Variants in OR3A3 observed in about 807,000 individuals in gnomAD.
OR3A3 encodes olfactory receptor 3A3.
For synonymous variants in OR3A3, 103 were observed against 163.9 expected, an observed-to-expected ratio of 0.63 and a Z score of 2.84; for missense variants, 275 against 391.4, an observed-to-expected ratio of 0.70 and a Z score of 2.51.
At chr17:3,413,944 C>T (rs550196309) in intron 2 of OR3A3, among the ~76,000 whole-genome samples, 1 of 152,314 alleles carries the variant, frequency 6.6e-6, no homozygotes, top group African/African-American at 2.4e-5. Flanking sequence ...TGAGCACACA[C>T]AGTGGAGACC....
chr17:3,420,824 C>G, exon 3 of OR3A3: 1 of 1,363,638 alleles, frequency 7.3e-7, no homozygotes, highest in Non-Finnish European at 1.0e-6. Context: ...ATCACTGTCA[C>G]TGTTCCTGCA....
chr17:3,417,315 T>G (rs2072398261), intron 2 of OR3A3, among the ~76,000 whole-genome samples: 1 of 152,192 alleles, frequency 6.6e-6, no homozygotes, highest in African/African-American at 2.4e-5. Flanking sequence ...CTGATTAACA[T>G]GAACATATCT....
At chr17:3,423,094 C>A (rs1285588261) in exon 3 of OR3A3, 1 of 152,204 alleles carries the variant, frequency 6.6e-6, no homozygotes, top group African/African-American at 2.4e-5. Flanking sequence ...GTTGTAATCA[C>A]ATCATTCCTA....
intron 2 of OR3A3, 117 bp from the exon 3 acceptor site, chr17:3,420,463 T>C: frequency 1.3e-6 from 2 of 1,513,540 alleles, no homozygotes; most frequent in African/African-American, 1.4e-5. Context: ...CATTGAGGTG[T>C]TGGAGGAGTG....
In OR3A3 at chr17:3,421,262, C is replaced by T. The variant is rs1269879583; in HGVS notation, c.677C>T (p.Ala226Val). 3.1e-6 allele frequency: 5 copies of T among 1,614,104 alleles called. No individual in the cohort carries two copies. The highest frequency in any genetic ancestry group is 4.5e-5 in the East Asian group (2 of 44,890). ...AGTGTGTCCTATGCCCATGTGGTAG[C>T]TGCTGTGCTGCAAATCCGCTCTGCT... The change falls in exon 3 of 3, where the codon GCT becomes GTT. Residue 226 changes from alanine to valine, a missense_variant. Physicochemically the swap from Ala to Val is moderately conservative, Grantham distance 64 (BLOSUM62 0). Transcript: ENST00000641141.
intron 2 of OR3A3, among the ~76,000 whole-genome samples, chr17:3,415,209 C>T (rs917440690): frequency 4.6e-5 from 7 of 151,396 alleles, no homozygotes; most frequent in African/African-American, 1.2e-4. Flanking sequence ...AACATATTAT[C>T]GTATATTATT....
intron 2 of OR3A3, among the ~76,000 whole-genome samples, chr17:3,418,321 T>A (rs1343937354): frequency 6.6e-6 from 1 of 152,044 alleles, no homozygotes; most frequent in Non-Finnish European, 1.5e-5. Context: ...TCATGAGAGG[T>A]TTTTGCTGGG....
At chr17:3,419,729 C>CTTTTTTTTTTTT in intron 2 of OR3A3, among the ~76,000 whole-genome samples, 1 of 98,906 alleles carries the variant, frequency 1.0e-5, no homozygotes, top group African/African-American at 3.3e-5. Flanking sequence ...AAAATTCTAT[C>CTTTTTTTTTTTT]TTTTTTTTTT....
chr17:3,421,012 G>A (rs1488383653), exon 3 of OR3A3: 1 of 1,613,926 alleles, frequency 6.2e-7, no homozygotes, highest in African/African-American at 1.3e-5. Context: ...GAGTCAGACA[G>A]TCCAGAGGAT....
chr17:3,416,740 G>A (rs1409698501), intron 2 of OR3A3, among the ~76,000 whole-genome samples: 4 of 152,164 alleles, frequency 2.6e-5, no homozygotes, highest in East Asian at 3.9e-4. Context: ...GGAGTACACT[G>A]TGATGTGTGT....
chr17:3,414,808 C>T (rs1041923656), intron 2 of OR3A3, among the ~76,000 whole-genome samples: 5 of 152,000 alleles, frequency 3.3e-5, no homozygotes, highest in Admixed American at 6.6e-5. Context: ...TAGCAACTAC[C>T]GCAGCGTGCA....
At chr17:3,421,725 C>T in exon 3 of OR3A3, 1 of 601,294 alleles carries the variant, frequency 1.7e-6, no homozygotes, top group Non-Finnish European at 2.6e-6. Context: ...TAAATTACTT[C>T]TATGATCCAA....
In OR3A3 at chr17:3,414,588, A is replaced by G. The variant is rs72821486; in HGVS notation, c.-7+2417A>G. ...AAACCCATCTGATAGTGCTTTGACAATTGGAGCAGCAATGCGATCAGAGAC... is the reference window on the plus strand; with the variant it reads ...AAACCCATCTGATAGTGCTTTGACAGTTGGAGCAGCAATGCGATCAGAGAC... On this transcript the variant is annotated intron_variant, in intron 2 of 2. Coordinates refer to ENST00000641141, the Ensembl canonical transcript of OR3A3. Among the ~76,000 whole-genome samples the G allele has an allele frequency of 3.3e-3, 500 of 152,338 alleles. 1 individual carries two copies. Among genetic ancestry groups the G allele is most frequent in the Non-Finnish European group, 4.9e-3 (334 of 68,042 alleles).
exon 3 of OR3A3, chr17:3,423,614 A>C (rs1169733590): frequency 6.6e-6 from 1 of 152,166 alleles, no homozygotes; most frequent in Admixed American, 6.5e-5. Context: ...ACCTCGCCAA[A>C]AACCTCATCA....
exon 3 of OR3A3, chr17:3,423,576 T>A (rs1437034710): frequency 6.6e-6 from 1 of 152,226 alleles, no homozygotes; most frequent in African/African-American, 2.4e-5. Flanking sequence ...TTCTTTCAAA[T>A]GGGAAATAAA....
intron 2 of OR3A3, among the ~76,000 whole-genome samples, chr17:3,414,197 G>A (rs1314765168): frequency 2.0e-5 from 3 of 152,038 alleles, no homozygotes; most frequent in Admixed American, 6.6e-5. Context: ...TCAGCCACCC[G>A]AGTAGCTGGG....
intron 2 of OR3A3, 65 bp from the exon 3 acceptor site, chr17:3,420,515 T>A (rs201193722): frequency 7.1e-5 from 111 of 1,569,962 alleles, no homozygotes; most frequent in Non-Finnish European, 8.6e-5. Flanking sequence ...TGAACATAAA[T>A]GGTTTAAAAT....
At chr17:3,419,729 C>CTTTT (rs564569456) in intron 2 of OR3A3, among the ~76,000 whole-genome samples, 66 of 98,892 alleles carry the variant, frequency 6.7e-4, no homozygotes, top group Non-Finnish European at 8.5e-4. Context: ...AAAATTCTAT[C>CTTTT]TTTTTTTTTT....
At chr17:3,422,542 A>C (rs1341050226) in exon 3 of OR3A3, 1 of 152,216 alleles carries the variant, frequency 6.6e-6, no homozygotes, top group Non-Finnish European at 1.5e-5. Flanking sequence ...AGTCCCTGGG[A>C]GTGACACCTC....
Sources: allele counts gnomAD v4.1 joint callset (sites outside exome capture counted in the v4.1 genomes callset), GRCh38; gene constraint gnomAD v4.1.1; transcripts MANE v1.5; gene names NCBI Gene and HGNC (gene_info 2026-07-23, HGNC 2026-07-21).